The following SCAMP5 variants were observed in gnomAD, a reference collection of about 807,000 sequenced individuals.
SCAMP5 encodes the protein secretory carrier-associated membrane protein 5.
Under a neutral mutation model 28.3 loss-of-function variants are expected in SCAMP5, and 7 were observed. The ratio of observed to expected loss-of-function variants is 0.25; its 90% CI spans 0.14 to 0.46. The LOEUF is 0.46. Among genes scored for constraint, SCAMP5 ranks in the 20% least tolerant of loss-of-function variants. The pLI, the probability that SCAMP5 is intolerant of heterozygous loss-of-function variation, is 0.99. For missense variants in SCAMP5, 192 were observed against 312.5 expected (o/e 0.61, Z 2.91); for synonymous variants, 117 against 116.4 (o/e 1.00, Z -0.03).
In SCAMP5 at chr15:75,018,990, C is replaced by G. The variant is rs754286056; in HGVS notation, c.*7C>G. 6.7e-7 allele frequency: 1 copy of G among 1,491,376 alleles called. No individual in the cohort carries two copies. Among genetic ancestry groups the G allele is most frequent in the Non-Finnish European group, 8.9e-7 (1 of 1,125,654 alleles). The allele number at this position is 1,491,376 out of a possible 1,614,324, so 92.4% of individuals were successfully genotyped here. A position where few individuals can be genotyped will look rare whatever the true frequency, so the allele number is the denominator to read the frequency against. On this transcript the variant is annotated 3_prime_UTR_variant, in exon 7 of 7. Transcript: ENST00000425597. The surrounding 1 kb of genome is among the most constrained non-coding windows in gnomAD (Gnocchi z 5.6). ...GTACTCCAATGAGATGTGAACCAGC[C>G]ACGCCTACCAGGTGGCAGAGCTGGG... is the stretch of plus-strand genomic sequence containing the variant.
rs1349923734 is a variant in SCAMP5, at chr15:74,996,091, C to T, written c.-49+418C>T. ...GACTGGAAGGGGGTGCCCGTGGCTT[C>T]CTTTGGGCCTTTCCTTCCAACTAGC... On this transcript the variant is annotated intron_variant, in intron 1 of 6. Coordinates refer to ENST00000425597, the MANE Select transcript of SCAMP5 (RefSeq NM_138967.4). The surrounding 1 kb of genome is among the most constrained non-coding windows in gnomAD (Gnocchi z 4.1). The T allele has an allele frequency of 1.3e-5, 2 of 152,428 alleles. No homozygotes were observed. The highest frequency in any genetic ancestry group is 3.8e-4 in the East Asian group (2 of 5,210). The allele number at this position is 152,428 out of a possible 1,614,324, so 9.4% of individuals were successfully genotyped here.
intron 1 of SCAMP5, among the ~76,000 whole-genome samples, chr15:75,001,269 C>T (rs1372905155): frequency 1.0e-4 from 6 of 58,186 alleles, no homozygotes; most frequent in African/African-American, 3.5e-4. Context: ...AGCGAGACTC[C>T]AAAAAAAAAA....
At chr15:75,015,634 A>C (rs1401209074) in intron 3 of SCAMP5, among the ~76,000 whole-genome samples, 6 of 152,188 alleles carry the variant, frequency 3.9e-5, no homozygotes, top group African/African-American at 1.4e-4. Flanking sequence ...TATCTAAGAA[A>C]TAGATTAGAT....
chr15:75,014,330 G>A (rs903366787), intron 3 of SCAMP5, among the ~76,000 whole-genome samples: 3 of 152,150 alleles, frequency 2.0e-5, no homozygotes, highest in Non-Finnish European at 4.4e-5. Flanking sequence ...TGGGACAGGT[G>A]TGGGTAAGTC....
chr15:75,004,118 G>A (rs2065734232), intron 1 of SCAMP5, among the ~76,000 whole-genome samples: 1 of 151,916 alleles, frequency 6.6e-6, no homozygotes, highest in Non-Finnish European at 1.5e-5. Context: ...TGGTCAGGCT[G>A]GTCTTGAACT....
At position 75,012,741 on chromosome 15, in the gene SCAMP5, C is replaced by T; in HGVS notation, c.72C>T (p.Asp24=). 1 of 1,613,992 alleles carries T rather than the reference C, an allele frequency of 6.2e-7. No homozygotes were observed. The highest frequency in any genetic ancestry group is 2.2e-5 in the East Asian group (1 of 44,886). The change falls in exon 3 of 7, where the codon GAC becomes GAT. Residue 24 remains aspartate, a synonymous_variant. Transcript: ENST00000425597. ...CGCTGAAGCCATGTTTCTACCAAGA[C>T]TTCGAGGCAGATATTCCTCCCCAGC... ...FIPLKPCFYQ[D]FEADIPPQHV... is the part of the protein sequence containing the mutation.
At chr15:75,004,808 G>A (rs912070897) in intron 1 of SCAMP5, among the ~76,000 whole-genome samples, 66 of 152,086 alleles carry the variant, frequency 4.3e-4, no homozygotes, top group Non-Finnish European at 8.5e-4. Context: ...ATAGTGAATA[G>A]TAGTATCTAC....
At chr15:75,010,460 C>A (rs976616316) in intron 1 of SCAMP5, among the ~76,000 whole-genome samples, 2 of 152,166 alleles carry the variant, frequency 1.3e-5, no homozygotes, top group Non-Finnish European at 2.9e-5. Context: ...ACATCCTGCC[C>A]ACCTTGCCTT....
rs2065655508 is a variant in SCAMP5, at chr15:74,996,514, G to A, written c.-49+841G>A. On this transcript the variant is annotated intron_variant, in intron 1 of 6. Transcript: ENST00000425597. The surrounding 1 kb of genome is among the most constrained non-coding windows in gnomAD (Gnocchi z 4.1). ...CCCAGGGACACAGAGAGAAAGGGAG[G>A]CGACAGCTAGCGAATAGGAGACTTC... is the stretch of plus-strand genomic sequence containing the variant. Among the ~76,000 whole-genome samples, 1 of 152,184 alleles carries A rather than the reference G, an allele frequency of 6.6e-6. No individual in the cohort carries two copies. Among genetic ancestry groups the A allele is most frequent in the Non-Finnish European group, 1.5e-5 (1 of 68,042 alleles).
At chr15:75,000,052 C>G (rs2065689399) in intron 1 of SCAMP5, among the ~76,000 whole-genome samples, 2 of 152,092 alleles carry the variant, frequency 1.3e-5, no homozygotes, top group African/African-American at 2.4e-5. Context: ...TGAAAGCCAA[C>G]AAAATCCACC....
rs1490768898 is a variant in SCAMP5, at chr15:75,017,813, A to G, written c.294-57A>G. 7 of 1,109,234 alleles carry G rather than the reference A, an allele frequency of 6.3e-6. No homozygotes were observed. The East Asian group carries it at 1.6e-4, about 26-fold the overall frequency. 68.7% of individuals were successfully genotyped at this position (1,109,234 alleles called of 1,614,324 possible). On this transcript the variant is annotated intron_variant, in intron 4 of 6. Transcript: ENST00000425597. ...ACTTGGAAGGGCTTGGGGGCCTTGA[A>G]GGCAGGGAAGCCCTGGCCCTCTGCC...
chr15:75,018,340 G>C lies in SCAMP5; in HGVS notation c.396-78G>C. On this transcript the variant is annotated intron_variant, in intron 5 of 6. Coordinates refer to ENST00000425597, the MANE Select transcript of SCAMP5 (RefSeq NM_138967.4). The surrounding 1 kb of genome is among the most constrained non-coding windows in gnomAD (Gnocchi z 5.6). ...ATATGTTTCCTCCCTGTGGCAATGA[G>C]ACGGTCCCTTCCTCTAGCGGGGGGC... 1.2e-6 allele frequency: 1 copy of C among 863,604 alleles called. No homozygotes were observed. 53.5% of individuals were successfully genotyped at this position (863,604 alleles called of 1,614,324 possible).
chr15:75,013,597 G>A (rs1259393372), intron 3 of SCAMP5, among the ~76,000 whole-genome samples: 2 of 152,168 alleles, frequency 1.3e-5, no homozygotes, highest in East Asian at 3.8e-4. Context: ...CTATTCAGGA[G>A]GCCAAGGCAG....
chr15:75,002,279 G>A (rs148834919), intron 1 of SCAMP5, among the ~76,000 whole-genome samples: 251 of 151,892 alleles, frequency 1.7e-3, no homozygotes, highest in African/African-American at 5.8e-3. Context: ...CCACCTCCTT[G>A]CACTGGTGCC....
intron 1 of SCAMP5, among the ~76,000 whole-genome samples, chr15:75,002,162 A>G (rs2065715835): frequency 6.6e-6 from 1 of 151,766 alleles, no homozygotes; most frequent in Non-Finnish European, 1.5e-5. Context: ...AAAACAGAAA[A>G]TTGAAGCAGA....
At chr15:75,015,235 G>C (rs1350852576) in intron 3 of SCAMP5, among the ~76,000 whole-genome samples, 1 of 152,186 alleles carries the variant, frequency 6.6e-6, no homozygotes, top group Non-Finnish European at 1.5e-5. Flanking sequence ...TTGAGGCCAC[G>C]GTTGAGCCCT....
At position 75,018,594 on chromosome 15, in the gene SCAMP5, A is replaced by G; in HGVS notation, c.513+59A>G. 7.9e-7 allele frequency: 1 copy of G among 1,268,720 alleles called. No individual in the cohort carries two copies. The highest frequency in any genetic ancestry group is 1.2e-6 in the Non-Finnish European group (1 of 865,204). The allele number at this position is 1,268,720 out of a possible 1,614,324, so 78.6% of individuals were successfully genotyped here. On this transcript the variant is annotated intron_variant, in intron 6 of 6. Coordinates refer to ENST00000425597, the MANE Select transcript of SCAMP5 (RefSeq NM_138967.4). The surrounding 1 kb of genome is among the most constrained non-coding windows in gnomAD (Gnocchi z 5.6). ...TTGGGAAGGGGCCATGTTCTGAAAC[A>G]AGCCCTCCTCCAAGTTGCAAGAGGA...
intron 1 of SCAMP5, among the ~76,000 whole-genome samples, chr15:75,004,575 CA>C (rs2141431828): frequency 6.6e-6 from 1 of 151,852 alleles, no homozygotes; most frequent in Non-Finnish European, 1.5e-5. Context: ...GCAAAAAATA[CA>C]AAAATTAGCT....
At chr15:75,008,015 T>C (rs1043358446) in intron 1 of SCAMP5, among the ~76,000 whole-genome samples, 3 of 152,134 alleles carry the variant, frequency 2.0e-5, no homozygotes, top group African/African-American at 7.2e-5. Flanking sequence ...GCAGTTATTT[T>C]TGCCCTTGAG....
Sources: gnomAD v4.1 joint callset for allele counts (sites outside exome capture counted in the v4.1 genomes callset) on GRCh38, gnomAD v4.1.1 for gene constraint, Gnocchi (gnomAD v3.1) non-coding constraint, MANE v1.5 for transcripts, NCBI Gene and HGNC (gene_info 2026-07-23, HGNC 2026-07-21) for gene names.